Variants in SLMAP observed in about 807,000 individuals in gnomAD.
The protein encoded by SLMAP is sarcolemma associated protein.
Under a neutral mutation model 128.8 loss-of-function variants are expected in SLMAP, and 44 were observed. That is an observed-to-expected ratio of 0.34 (90% CI 0.27 to 0.44). The LOEUF is 0.44. SLMAP is among the 20% of genes least tolerant of loss of function. The pLI, the probability that SLMAP is intolerant of heterozygous loss-of-function variation, is 1.00. For missense variants in SLMAP, 787 were observed against 985.3 expected (o/e 0.80, Z 2.69); for synonymous variants, 327 against 348.8 (o/e 0.94, Z 0.70).
At chr3:57,830,418 A>G (rs1429793329) in intron 2 of SLMAP, among the ~76,000 whole-genome samples, 1 of 152,248 alleles carries the variant, frequency 6.6e-6, no homozygotes, top group Non-Finnish European at 1.5e-5. Flanking sequence ...TTCCTTAGGA[A>G]GAAATTCAGC....
chr3:57,844,368 T>C (rs1056614125), intron 4 of SLMAP, among the ~76,000 whole-genome samples: 1 of 151,904 alleles, frequency 6.6e-6, no homozygotes, highest in Admixed American at 6.6e-5. Flanking sequence ...CACTTCAGGC[T>C]GGGTGACAGA....
In SLMAP at chr3:57,908,016, A is replaced by G. The variant is rs2096608823; in HGVS notation, c.1624+10A>G. ...TGCTTTGAACTTCAAGGTGAGATCA[A>G]GATTACTTTGGTTCTTTAGGGATGT... On this transcript the variant is annotated intron_variant, in intron 18 of 24. Transcript: ENST00000671191. 6.2e-7 allele frequency: 1 copy of G among 1,613,040 alleles called. No homozygotes were observed. The highest frequency in any genetic ancestry group is 1.7e-5 in the Admixed American group (1 of 59,880).
Position 57,909,141 on chromosome 3 carries a change from G to A in SLMAP, c.1690G>A (p.Val564Ile), listed in dbSNP as rs570222284. ...QVEESTKQIQ[V>I]LQAQLQRLHI... ...TGAGGAATCCACTAAACAAATACAG[G>A]TTCTTCAAGGTATGGAAGACCCCAA... Residue 564 changes from valine (V) to isoleucine (I), a missense_variant, in exon 19 of 25, where the codon GTT (valine) becomes ATT (isoleucine). Val to Ile is a conservative substitution (Grantham distance 29, BLOSUM62 3). This residue lies in a region of SLMAP where 715 missense variants were observed against 843.6 expected (regional missense o/e 0.85). Transcript: ENST00000671191. 6.9e-6 allele frequency: 11 copies of A among 1,604,974 alleles called. No homozygotes were observed. The East Asian group carries it at 2.2e-4, about 33-fold the overall frequency.
chr3:57,848,418 CTTCTTCCTTCTTTT>C (rs555958962), intron 5 of SLMAP, among the ~76,000 whole-genome samples: 85 of 150,456 alleles, frequency 5.6e-4, no homozygotes, highest in African/African-American at 2.0e-3. Flanking sequence ...TTCCTTCTTT[CTTCTTCCTTCTTTT>C]TTCTTCTTCG....
chr3:57,775,522 AAAAAAAAAAAAAAAAAG>A (rs1022944276), intron 2 of SLMAP, among the ~76,000 whole-genome samples: 2 of 147,314 alleles, frequency 1.4e-5, no homozygotes, highest in Non-Finnish European at 3.0e-5. Flanking sequence ...AAAAAAAAAA[AAAAAAAAAAAAAAAAAG>A]AGCCGGGCGT....
intron 2 of SLMAP, among the ~76,000 whole-genome samples, chr3:57,816,593 G>A (rs771179564): frequency 6.6e-6 from 1 of 152,146 alleles, no homozygotes; most frequent in Non-Finnish European, 1.5e-5. Context: ...ATTTAAAGAA[G>A]TCATATGTGA....
intron 17 of SLMAP, among the ~76,000 whole-genome samples, chr3:57,905,186 A>G (rs2096496450): frequency 6.6e-6 from 1 of 152,188 alleles, no homozygotes; most frequent in Non-Finnish European, 1.5e-5. Context: ...TTCTGTGTGT[A>G]TGCAGTTGCA....
intron 2 of SLMAP, among the ~76,000 whole-genome samples, chr3:57,761,412 A>G (rs765050274): frequency 4.6e-5 from 7 of 152,016 alleles, no homozygotes; most frequent in Non-Finnish European, 8.8e-5. Flanking sequence ...CTCCTACCTC[A>G]GCTTCTCAAG....
chr3:57,845,694 G>A (rs1204479643), intron 4 of SLMAP, among the ~76,000 whole-genome samples: 3 of 152,106 alleles, frequency 2.0e-5, no homozygotes, highest in East Asian at 1.9e-4. Context: ...GTAAAATAGG[G>A]ACTCCAGCTT....
intron 2 of SLMAP, among the ~76,000 whole-genome samples, chr3:57,788,052 G>A (rs759888693): frequency 1.8e-4 from 28 of 152,190 alleles, no homozygotes; most frequent in South Asian, 4.1e-4. Context: ...TGAAAGAAGA[G>A]CAAGACTTTG....
chr3:57,881,511 G>A (rs770064907), intron 14 of SLMAP, among the ~76,000 whole-genome samples: 5 of 152,258 alleles, frequency 3.3e-5, no homozygotes, highest in African/African-American at 9.6e-5. Flanking sequence ...AGGCTGGAGC[G>A]CAGTGGTGCG....
chr3:57,789,669 A>C (rs1034184418), intron 2 of SLMAP, among the ~76,000 whole-genome samples: 3 of 152,178 alleles, frequency 2.0e-5, no homozygotes, highest in Non-Finnish European at 4.4e-5. Context: ...TGTCAACATG[A>C]GTCACATTGT....
chr3:57,916,061 C>T (rs1051225581), intron 21 of SLMAP, among the ~76,000 whole-genome samples: 5 of 151,680 alleles, frequency 3.3e-5, no homozygotes, highest in African/African-American at 1.2e-4. Flanking sequence ...AAGGCTAAGG[C>T]AGGAGAATCA....
In SLMAP at chr3:57,909,145, T is replaced by G. The variant is rs760874109; in HGVS notation, c.1694T>G (p.Leu565Arg). Residue 565 changes from leucine (L) to arginine (R), a missense_variant, in exon 19 of 25, where the codon CTT (leucine) becomes CGT (arginine). Transcript: ENST00000671191. ...VEESTKQIQV[L>R]QAQLQRLHID... ...GAATCCACTAAACAAATACAGGTTC[T>G]TCAAGGTATGGAAGACCCCAAGGCT... 6.2e-7 allele frequency: 1 copy of G among 1,603,664 alleles called. No homozygotes were observed.
At chr3:57,873,253 A>G (rs570711787) in intron 14 of SLMAP, among the ~76,000 whole-genome samples, 15 of 152,350 alleles carry the variant, frequency 9.8e-5, no homozygotes, top group African/African-American at 2.9e-4. Flanking sequence ...CTGTAATCCC[A>G]GCACTTTGGG....
chr3:57,818,650 T>C (rs2092189331), intron 2 of SLMAP, among the ~76,000 whole-genome samples: 1 of 152,248 alleles, frequency 6.6e-6, no homozygotes, highest in African/African-American at 2.4e-5. Flanking sequence ...TTGATCTTGC[T>C]TTCTCTTGTT....
At chr3:57,823,488 T>C (rs1473542034) in intron 2 of SLMAP, among the ~76,000 whole-genome samples, 1 of 152,142 alleles carries the variant, frequency 6.6e-6, no homozygotes, top group Non-Finnish European at 1.5e-5. Flanking sequence ...TTTGTCCTTG[T>C]GATAGTTTGC....
chr3:57,854,318 C>T (rs1288510151), intron 6 of SLMAP, among the ~76,000 whole-genome samples: 3 of 18,864 alleles, frequency 1.6e-4, no homozygotes, highest in African/African-American at 4.7e-4. Context: ...ATATATTGGC[C>T]GGGCACGGGG....
At chr3:57,797,592 GT>G (rs1196624799) in intron 2 of SLMAP, among the ~76,000 whole-genome samples, 1 of 151,900 alleles carries the variant, frequency 6.6e-6, no homozygotes, top group Non-Finnish European at 1.5e-5. Context: ...GCTGGGAGGT[GT>G]TATTTCAATT....
Sources: allele counts gnomAD v4.1 joint callset (sites outside exome capture counted in the v4.1 genomes callset), GRCh38; gene constraint gnomAD v4.1.1; regional missense constraint gnomAD v4.1.1; transcripts MANE v1.5; gene names NCBI Gene and HGNC (gene_info 2026-07-23, HGNC 2026-07-21).